SMOC2: variants seen among roughly 807,000 people sequenced by gnomAD.
SMOC2 encodes the protein SPARC-related modular calcium-binding protein 2.
In SMOC2, 39 loss-of-function variants were observed where a neutral mutation model predicts 61.4. That is an observed-to-expected ratio of 0.64 (90% confidence interval 0.49 to 0.83). SMOC2 has a LOEUF of 0.83. Among genes scored for constraint, SMOC2 ranks in the 40% least tolerant of loss-of-function variants. The pLI is 0.00. For missense variants in SMOC2, 556 were observed against 592.9 expected, an observed-to-expected ratio of 0.94 and a Z score of 0.65; for synonymous variants, 247 against 239.9, an observed-to-expected ratio of 1.03 and a Z score of -0.27.
chr6:168,598,674 G>GC (rs1349257589), intron 7 of SMOC2, 144 bp from the exon 8 acceptor site: 3 of 866,588 alleles, frequency 3.5e-6, no homozygotes, highest in Non-Finnish European at 1.8e-6. Context: ...CTCCTGCTGT[G>GC]CCCCCCACGC....
chr6:168,473,531 A>G (rs549770494), intron 1 of SMOC2, among the ~76,000 whole-genome samples: 2 of 150,904 alleles, frequency 1.3e-5, no homozygotes, highest in East Asian at 2.0e-4. Flanking sequence ...AGCATGGTGC[A>G]GGTCTGGATT....
chr6:168,529,674 G>A (rs561206657), intron 4 of SMOC2, among the ~76,000 whole-genome samples: 2 of 152,324 alleles, frequency 1.3e-5, no homozygotes, highest in South Asian at 4.1e-4. Context: ...GAAATTGAAG[G>A]GAGAATTATG....
At chr6:168,540,245 C>T (rs537012551) in intron 4 of SMOC2, among the ~76,000 whole-genome samples, 14 of 152,284 alleles carry the variant, frequency 9.2e-5, no homozygotes, top group African/African-American at 3.1e-4. Flanking sequence ...GTGATGGCGG[C>T]GAGGGCCTGA....
At position 168,667,781 on chromosome 6, in the gene SMOC2, G is replaced by C. The variant is rs1787699401; in HGVS notation, c.*1343G>C. ...TTGTAGAATGATTTTGTGATGTTGT[G>C]ATGCTTGTGGAGCATCGCGTAAGGC... On this transcript the variant is annotated 3_prime_UTR_variant, in exon 13 of 13. Transcript: ENST00000356284. 6.6e-6 allele frequency: 1 copy of C among 152,148 alleles called. No homozygotes were observed. Among genetic ancestry groups the C allele is most frequent in the South Asian group, 2.1e-4 (1 of 4,824 alleles). The allele number at this position is 152,148 out of a possible 1,614,324, so 9.4% of individuals were successfully genotyped here.
At chr6:168,518,418 T>A (rs1443839290) in intron 2 of SMOC2, among the ~76,000 whole-genome samples, 2 of 149,080 alleles carry the variant, frequency 1.3e-5, no homozygotes, top group Non-Finnish European at 2.9e-5. Flanking sequence ...TGTGAATGTG[T>A]GCATGAGTGT....
intron 4 of SMOC2, among the ~76,000 whole-genome samples, chr6:168,541,956 A>G (rs1383123402): frequency 6.6e-6 from 1 of 152,230 alleles, no homozygotes; most frequent in Non-Finnish European, 1.5e-5. Context: ...TTCTGTCTGT[A>G]CAGTGCAAAA....
At chr6:168,474,094 C>T (rs933939207) in intron 1 of SMOC2, among the ~76,000 whole-genome samples, 6 of 152,148 alleles carry the variant, frequency 3.9e-5, no homozygotes, top group African/African-American at 1.4e-4. Context: ...GTTCTTTCCT[C>T]TGTTCATCCG....
chr6:168,547,163 G>A lies in SMOC2; in HGVS notation c.556G>A (p.Glu186Lys), dbSNP rs868464933. 3 of 1,614,078 alleles carry A rather than the reference G, an allele frequency of 1.9e-6. No homozygotes were observed. Among genetic ancestry groups the A allele is most frequent in the Non-Finnish European group, 2.5e-6 (3 of 1,180,008 alleles). ...GTTGGAGACTCAGCCTCAAGGAGATGAAGAAGGTGAGCCGGGGTGGGGATT... is the reference window on the plus strand; with the variant it reads ...GTTGGAGACTCAGCCTCAAGGAGATAAAGAAGGTGAGCCGGGGTGGGGATT... ...PALETQPQGD[E>K]EDIASRYPTL... is the part of the protein sequence containing the mutation. The change falls in exon 6 of 13, where the codon GAA (glutamate) becomes AAA (lysine). Residue 186 changes from glutamate to lysine, a missense_variant. Glu to Lys is a moderately conservative substitution (Grantham distance 56). Transcript: ENST00000356284.
At chr6:168,658,088 G>A (rs562788977) in intron 11 of SMOC2, among the ~76,000 whole-genome samples, 2 of 152,286 alleles carry the variant, frequency 1.3e-5, no homozygotes, top group African/African-American at 4.8e-5. Context: ...TGGGAGGCCT[G>A]GGGGACTGAT....
intron 7 of SMOC2, among the ~76,000 whole-genome samples, chr6:168,587,444 A>T (rs991587559): frequency 6.6e-6 from 1 of 152,222 alleles, no homozygotes; most frequent in Non-Finnish European, 1.5e-5. Context: ...TGTGTGAGAC[A>T]TCAATCAGTA....
At chr6:168,647,716 A>G (rs187138340) in intron 9 of SMOC2, among the ~76,000 whole-genome samples, 5 of 152,310 alleles carry the variant, frequency 3.3e-5, no homozygotes, top group African/African-American at 1.2e-4. Context: ...TGCAGTGAAC[A>G]TTCACTTTAA....
chr6:168,625,613 G>A (rs1786386563), intron 9 of SMOC2, among the ~76,000 whole-genome samples: 1 of 152,198 alleles, frequency 6.6e-6, no homozygotes, highest in South Asian at 2.1e-4. Flanking sequence ...TCCGTCTTCT[G>A]CCACGTTTTG....
intron 1 of SMOC2, among the ~76,000 whole-genome samples, chr6:168,492,558 A>C (rs1782492270): frequency 6.6e-6 from 1 of 152,240 alleles, no homozygotes. Context: ...GTGGCAGAAA[A>C]TATACACACA....
intron 11 of SMOC2, among the ~76,000 whole-genome samples, chr6:168,656,149 C>T (rs999043609): frequency 9.2e-5 from 14 of 152,050 alleles, no homozygotes; most frequent in African/African-American, 3.1e-4. Context: ...GTTGTCAACT[C>T]GATAACAAAT....
At chr6:168,454,882 C>A (rs927538564) in intron 1 of SMOC2, among the ~76,000 whole-genome samples, 1 of 152,168 alleles carries the variant, frequency 6.6e-6, no homozygotes, top group Admixed American at 6.5e-5. Context: ...AGGTGCACAT[C>A]CTGTGGCCGG....
intron 6 of SMOC2, among the ~76,000 whole-genome samples, chr6:168,548,642 CAG>C (rs952593700): frequency 1.4e-4 from 21 of 152,106 alleles, no homozygotes; most frequent in African/African-American, 5.1e-4. Flanking sequence ...CTGGGATTAA[CAG>C]GTGTGAGCCA....
At chr6:168,609,713 C>A (rs1464889486) in intron 9 of SMOC2, among the ~76,000 whole-genome samples, 1 of 152,212 alleles carries the variant, frequency 6.6e-6, no homozygotes, top group Non-Finnish European at 1.5e-5. Flanking sequence ...GGAAAGCCCT[C>A]AATAAATGTT....
In SMOC2 at chr6:168,509,964, C is replaced by T. The variant is rs141002558; in HGVS notation, c.134C>T (p.Ala45Val). The T allele has an allele frequency of 2.7e-4, 432 of 1,614,138 alleles. No individual in the cohort carries two copies. Among genetic ancestry groups the T allele is most frequent in the Middle Eastern group, 4.9e-4 (3 of 6,062 alleles). Reference sequence around the variant, plus strand: ...GACAAGGATTGTAGCTTGGACTGTGCGGGTTCGCCCCAGAAACCTCTCTGC... The same window carrying T: ...GACAAGGATTGTAGCTTGGACTGTGTGGGTTCGCCCCAGAAACCTCTCTGC... ...DKDKDCSLDC[A>V]GSPQKPLCAS... Residue 45 changes from alanine to valine, a missense_variant, in exon 2 of 13, where the codon GCG (alanine) becomes GTG (valine). Physicochemically the swap from Ala to Val is moderately conservative, Grantham distance 64. Coordinates refer to ENST00000356284, the MANE Select transcript of SMOC2 (RefSeq NM_001166412.2).
At chr6:168,602,992 A>C (rs2880406) in intron 8 of SMOC2, among the ~76,000 whole-genome samples, 1 of 151,960 alleles carries the variant, frequency 6.6e-6, no homozygotes, top group African/African-American at 2.4e-5. Flanking sequence ...TAATCCCCAC[A>C]TGTCGTGGGA....
Sources: gnomAD v4.1 joint callset for allele counts (sites outside exome capture counted in the v4.1 genomes callset) on GRCh38, gnomAD v4.1.1 for gene constraint, MANE v1.5 for transcripts, NCBI Gene and HGNC (gene_info 2026-07-23, HGNC 2026-07-21) for gene names.